SH3RF3: variants seen among roughly 807,000 people sequenced by gnomAD.
SH3RF3 encodes SH3 domain containing ring finger 3, also known as E3 ubiquitin-protein ligase SH3RF3.
SH3RF3 carries 29 observed loss-of-function variants against 66.3 expected under a neutral mutation model. That is an observed-to-expected ratio of 0.44 (90% confidence interval 0.33 to 0.60). SH3RF3 has a LOEUF of 0.60. Among genes scored for constraint, SH3RF3 ranks in the 20% least tolerant of loss-of-function variants. The pLI is 0.04. For missense variants in SH3RF3, 1,194 were observed against 1,190.9 expected, an observed-to-expected ratio of 1.00 and a Z score of -0.04; for synonymous variants, 583 against 532.0, an observed-to-expected ratio of 1.10 and a Z score of -1.32.
At chr2:109,365,598 T>C (rs1683139310) in intron 2 of SH3RF3, among the ~76,000 whole-genome samples, 3 of 152,196 alleles carry the variant, frequency 2.0e-5, no homozygotes, top group Non-Finnish European at 2.9e-5. Context: ...CTGTTAGCTA[T>C]TGAATGGTGT....
At chr2:109,422,749 G>C (rs539975810) in intron 5 of SH3RF3, among the ~76,000 whole-genome samples, 2 of 152,348 alleles carry the variant, frequency 1.3e-5, no homozygotes, top group African/African-American at 4.8e-5. Context: ...ATGAAATGCT[G>C]TGAGTAGGTT....
intron 1 of SH3RF3, among the ~76,000 whole-genome samples, chr2:109,269,854 G>A (rs1037636590): frequency 2.6e-5 from 4 of 152,202 alleles, no homozygotes; most frequent in Non-Finnish European, 4.4e-5. Context: ...ATGTTCGTGT[G>A]CTCAGGCATT....
rs56897089 is a variant in SH3RF3 at position 109,169,753 on chromosome 2, T to TACAC, written c.573+39656_573+39659dup. 3.3e-3 allele frequency among the ~76,000 whole-genome samples: 494 copies of TACAC among 149,792 alleles called. 2 individuals are homozygous for TACAC. Among genetic ancestry groups the TACAC allele is most frequent in the African/African-American group, 0.011 (453 of 40,826 alleles). On this transcript the variant is annotated intron_variant, in intron 1 of 9. Transcript: ENST00000309415. ...AAAATACATATGTATAAAACAACCA[T>TACAC]ACACACACACACACACACATGACCC...
chr2:109,334,990 C>T (rs1682376287), intron 1 of SH3RF3, among the ~76,000 whole-genome samples: 1 of 152,242 alleles, frequency 6.6e-6, no homozygotes, highest in South Asian at 2.1e-4. Flanking sequence ...GTGCGAGGCT[C>T]TGAGAACGCG....
intron 3 of SH3RF3, among the ~76,000 whole-genome samples, chr2:109,386,068 T>C (rs912552921): frequency 1.1e-4 from 16 of 152,174 alleles, no homozygotes; most frequent in African/African-American, 2.9e-4. Context: ...AGCTTTAGGA[T>C]TGAAAAATCT....
At chr2:109,453,886 G>A (rs1352596500) in intron 8 of SH3RF3, among the ~76,000 whole-genome samples, 1 of 152,224 alleles carries the variant, frequency 6.6e-6, no homozygotes, top group Non-Finnish European at 1.5e-5. Context: ...GGGTCAGCCT[G>A]AGCAGAGGCC....
chr2:109,399,032 A>T, intron 4 of SH3RF3, 89 bp downstream of exon 4: 1 of 1,362,220 alleles, frequency 7.3e-7, no homozygotes, highest in Non-Finnish European at 9.9e-7. Flanking sequence ...TTCCTCAACT[A>T]GCATGGAGGC....
At chr2:109,304,596 A>G (rs1442765592) in intron 1 of SH3RF3, among the ~76,000 whole-genome samples, 1 of 152,164 alleles carries the variant, frequency 6.6e-6, no homozygotes, top group Non-Finnish European at 1.5e-5. Flanking sequence ...CTCACCCTCT[A>G]TCTTTAAGTT....
At chr2:109,299,523 C>A (rs1039547274) in intron 1 of SH3RF3, among the ~76,000 whole-genome samples, 1 of 152,062 alleles carries the variant, frequency 6.6e-6, no homozygotes, top group African/African-American at 2.4e-5. Context: ...AGCCTTGCAC[C>A]CCAGGACAGG....
At chr2:109,371,751 C>G in intron 3 of SH3RF3, 70 bp downstream of exon 3, 1 of 1,356,602 alleles carries the variant, frequency 7.4e-7, no homozygotes, top group Non-Finnish European at 1.0e-6. Flanking sequence ...GTGGGGTCAC[C>G]TGACCTTCAA....
At chr2:109,225,494 G>T (rs1679353726) in intron 1 of SH3RF3, among the ~76,000 whole-genome samples, 1 of 152,222 alleles carries the variant, frequency 6.6e-6, no homozygotes, top group East Asian at 1.9e-4. Flanking sequence ...GACTGGGTGG[G>T]CTGACCCACC....
chr2:109,208,762 G>T (rs1301960059), intron 1 of SH3RF3, among the ~76,000 whole-genome samples: 1 of 152,236 alleles, frequency 6.6e-6, no homozygotes, highest in Non-Finnish European at 1.5e-5. Context: ...AGGAAGTGAG[G>T]TCAAGGGAAT....
intron 1 of SH3RF3, among the ~76,000 whole-genome samples, chr2:109,201,889 A>G (rs1008552740): frequency 6.6e-6 from 1 of 152,222 alleles, no homozygotes; most frequent in Non-Finnish European, 1.5e-5. Context: ...CCTCCTACCA[A>G]TGAGTCTGAC....
chr2:109,130,871 T>C (rs754270534), intron 1 of SH3RF3, among the ~76,000 whole-genome samples: 3 of 152,216 alleles, frequency 2.0e-5, no homozygotes, highest in Non-Finnish European at 2.9e-5. Context: ...TTTTAAAAGC[T>C]TCTTACAGCT....
At chr2:109,366,322 C>G (rs887257588) in intron 2 of SH3RF3, among the ~76,000 whole-genome samples, 1 of 152,052 alleles carries the variant, frequency 6.6e-6, no homozygotes, top group African/African-American at 2.4e-5. Flanking sequence ...ACAGTAAATT[C>G]ATATAATGGA....
chr2:109,208,302 A>T (rs1250407953), intron 1 of SH3RF3, among the ~76,000 whole-genome samples: 1 of 152,202 alleles, frequency 6.6e-6, no homozygotes. Context: ...CAGGTGGGGC[A>T]TATCCCTTCC....
chr2:109,139,586 T>C (rs564079986), intron 1 of SH3RF3, among the ~76,000 whole-genome samples: 27 of 152,324 alleles, frequency 1.8e-4, no homozygotes, highest in African/African-American at 6.3e-4. Context: ...GTGTTCCTTA[T>C]GGAATTGGGA....
At chr2:109,385,326 G>A (rs974414962) in intron 3 of SH3RF3, among the ~76,000 whole-genome samples, 2 of 152,218 alleles carry the variant, frequency 1.3e-5, no homozygotes, top group African/African-American at 2.4e-5. Flanking sequence ...TAACTTAATT[G>A]TAGTTTGGGG....
chr2:109,149,733 T>TG (rs1677188625), intron 1 of SH3RF3, among the ~76,000 whole-genome samples: 1 of 152,176 alleles, frequency 6.6e-6, no homozygotes, highest in Non-Finnish European at 1.5e-5. Context: ...ATTGGTGCCA[T>TG]GGGGGCTCTA....
Sources: gnomAD v4.1 joint callset for allele counts (sites outside exome capture counted in the v4.1 genomes callset) on GRCh38, gnomAD v4.1.1 for gene constraint, MANE v1.5 for transcripts, NCBI Gene and HGNC (gene_info 2026-07-23, HGNC 2026-07-21) for gene names.